MYO16: variants seen among roughly 807,000 people sequenced by gnomAD.
The protein encoded by MYO16 is unconventional myosin-XVI.
Under a neutral mutation model 205.3 loss-of-function variants are expected in MYO16, and 94 were observed. The observed-to-expected ratio is 0.46, with a 90% CI of 0.39 to 0.54. The LOEUF is 0.54. Among genes scored for constraint, MYO16 ranks in the 20% least tolerant of loss-of-function variants. The pLI is 0.00. For missense variants in MYO16, 2,315 were observed against 2,387.5 expected, an observed-to-expected ratio of 0.97 and a Z score of 0.63; for synonymous variants, 988 against 954.0, an observed-to-expected ratio of 1.04 and a Z score of -0.66.
chr13:108,575,925 C>T, the MYO16 span, among the ~76,000 whole-genome samples: 1 of 152,000 alleles, frequency 6.6e-6, no homozygotes, highest in South Asian at 2.1e-4. Flanking sequence ...TCTAGGTAGA[C>T]CCTTTCAAGT....
chr13:109,157,290 C>CCTTGCT (rs1878113312), intron 32 of MYO16, among the ~76,000 whole-genome samples: 1 of 149,370 alleles, frequency 6.7e-6, no homozygotes, highest in Non-Finnish European at 1.5e-5. Flanking sequence ...CACAGCATGC[C>CCTTGCT]CTTGCTCAAA....
chr13:108,780,092 CAT>C (rs1356752536), intron 4 of MYO16: 15 of 152,184 alleles, frequency 9.9e-5, no homozygotes, highest in Admixed American at 9.8e-4. Flanking sequence ...GGTTAAGTGT[CAT>C]GTGTGGCAGC....
At chr13:108,992,167 T>A (rs1000040238) in intron 20 of MYO16, among the ~76,000 whole-genome samples, 4 of 152,148 alleles carry the variant, frequency 2.6e-5, no homozygotes, top group Non-Finnish European at 5.9e-5. Context: ...TGTGCATGTG[T>A]TTGAATCAAA....
chr13:109,079,088 C>A (rs1261304696), intron 27 of MYO16, among the ~76,000 whole-genome samples: 1 of 152,196 alleles, frequency 6.6e-6, no homozygotes, highest in Admixed American at 6.5e-5. Context: ...CATCTCTCAT[C>A]TCTTCCACTC....
intron 31 of MYO16, among the ~76,000 whole-genome samples, chr13:109,130,089 G>A (rs901405598): frequency 5.3e-5 from 8 of 150,066 alleles, no homozygotes; most frequent in Non-Finnish European, 4.4e-5. Context: ...TAATATGAAA[G>A]CAAAGTGACC....
At chr13:108,777,177 G>C (rs1027609314) in intron 4 of MYO16, among the ~76,000 whole-genome samples, 1 of 152,076 alleles carries the variant, frequency 6.6e-6, no homozygotes, top group African/African-American at 2.4e-5. Context: ...ATGAGGAGGG[G>C]CACCGGGATT....
intron 6 of MYO16, among the ~76,000 whole-genome samples, chr13:108,797,737 A>T (rs967029161): frequency 2.0e-5 from 3 of 152,178 alleles, no homozygotes; most frequent in Non-Finnish European, 2.9e-5. Flanking sequence ...CATAATAGAA[A>T]CGCAATAGAG....
chr13:108,667,315 GTTTTGTTTTTT>G (rs1881779750), intron 2 of MYO16, among the ~76,000 whole-genome samples: 1 of 118,296 alleles, frequency 8.5e-6, no homozygotes, highest in East Asian at 3.0e-4. Context: ...GAGAATTTCT[GTTTTGTTTTTT>G]TTTTTTTTTT....
At chr13:109,018,704 G>A (rs1326739499) in intron 22 of MYO16, among the ~76,000 whole-genome samples, 7 of 152,190 alleles carry the variant, frequency 4.6e-5, no homozygotes, top group African/African-American at 1.2e-4. Flanking sequence ...GGAGTACCCC[G>A]ATTTTCCTGG....
rs185308376 is a variant in MYO16, at chr13:108,615,825, C to A, written c.-39+19586C>A. Among the ~76,000 whole-genome samples, 32 of 152,246 alleles carry A rather than the reference C, an allele frequency of 2.1e-4. No homozygotes were observed. In the East Asian group the frequency reaches 5.4e-3, roughly 26 times the overall value. On this transcript the variant is annotated intron_variant, in intron 1 of 24. Transcript: ENST00000251041. Reference sequence around the variant, plus strand: ...TCTGGGTTTTGTTTCCAAACTAGCTCATCTACAACTGTCTACCTCCATACT... The same window carrying A: ...TCTGGGTTTTGTTTCCAAACTAGCTAATCTACAACTGTCTACCTCCATACT...
chr13:108,503,982 T>G, the MYO16 span, among the ~76,000 whole-genome samples: 1 of 152,202 alleles, frequency 6.6e-6, no homozygotes, highest in African/African-American at 2.4e-5. Flanking sequence ...TTTTTTGCCT[T>G]TACTTGGTGT....
intron 4 of MYO16, among the ~76,000 whole-genome samples, chr13:108,772,828 T>TA (rs528112496): frequency 6.6e-6 from 1 of 151,748 alleles, no homozygotes; most frequent in Non-Finnish European, 1.5e-5. Context: ...CGGGGGAGGA[T>TA]AAAAAAGAAA....
rs139157551 is a variant in MYO16 at position 108,818,722 on chromosome 13, A to G, written c.868-1615A>G. ...CACAAACAGCACAGCTATTAAAAAGAGAATAAAAGGAAAAGCACAATAAGA... is the reference window on the plus strand; with the variant it reads ...CACAAACAGCACAGCTATTAAAAAGGGAATAAAAGGAAAAGCACAATAAGA... On this transcript the variant is annotated intron_variant, in intron 7 of 34. Transcript: ENST00000457511. Among the ~76,000 whole-genome samples the G allele has an allele frequency of 2.8e-3, 420 of 152,322 alleles. 6 individuals are homozygous for G. Among genetic ancestry groups the G allele is most frequent in the Non-Finnish European group, 2.8e-3 (192 of 68,026 alleles).
rs766432223 is a variant in MYO16 at position 109,120,440 on chromosome 13, A to C, written c.3509A>C (p.Gln1170Pro). 6.2e-7 allele frequency: 1 copy of C among 1,612,200 alleles called. No individual in the cohort carries two copies. The highest frequency in any genetic ancestry group is 1.7e-5 in the Admixed American group (1 of 59,682). ...DQLNDLCLQL[Q>P]RKIITCQKVI... ...CTCAATGATTTGTGCCTACAGTTGC[A>C]GAGAAAAATTATAACCTGCCAAAAA... Residue 1170 changes from glutamine (Q) to proline (P), a missense_variant, in exon 29 of 35, where the codon CAG becomes CCG. Physicochemically the swap from Gln to Pro is moderately conservative, Grantham distance 76. Around this residue, in one of 3 missense-constraint regions of MYO16, gnomAD observed 1,097 missense variants for 1,092.0 expected, o/e 1.00. Transcript: ENST00000457511.
intron 22 of MYO16, among the ~76,000 whole-genome samples, chr13:109,017,563 A>G (rs1254451220): frequency 9.2e-5 from 14 of 152,182 alleles, no homozygotes; most frequent in Admixed American, 8.5e-4. Flanking sequence ...GTGTTTTCCA[A>G]CTTGGTTCCC....
the MYO16 span, among the ~76,000 whole-genome samples, chr13:108,544,993 C>CT: frequency 0.36 from 53,918 of 149,560 alleles, 10,587 homozygotes; most frequent in Non-Finnish European, 0.46. Flanking sequence ...ATTTTCTTTT[C>CT]TTTTTTTTTT....
At chr13:108,889,541 G>T (rs1355435856) in intron 14 of MYO16, among the ~76,000 whole-genome samples, 3 of 152,130 alleles carry the variant, frequency 2.0e-5, no homozygotes, top group Admixed American at 6.5e-5. Flanking sequence ...GGCTAACAGT[G>T]GGGGGAACAG....
At chr13:108,734,563 G>A (rs950939323) in intron 4 of MYO16, among the ~76,000 whole-genome samples, 15 of 152,300 alleles carry the variant, frequency 9.8e-5, no homozygotes, top group African/African-American at 3.1e-4. Context: ...TAATCGGAAA[G>A]GGAATTTAAA....
chr13:108,517,993 T>G, the MYO16 span, among the ~76,000 whole-genome samples: 1 of 152,114 alleles, frequency 6.6e-6, no homozygotes, highest in African/African-American at 2.4e-5. Flanking sequence ...ACTTAATCAC[T>G]TCCCAAAGGC....
Sources: gnomAD v4.1 joint callset for allele counts (sites outside exome capture counted in the v4.1 genomes callset) on GRCh38, gnomAD v4.1.1 for gene constraint, gnomAD v4.1.1 regional missense constraint, MANE v1.5 for transcripts, NCBI Gene and HGNC (gene_info 2026-07-23, HGNC 2026-07-21) for gene names.